The following PIGK variants were observed in gnomAD, a reference collection of about 807,000 sequenced individuals.
PIGK encodes the protein phosphatidylinositol glycan anchor biosynthesis class K, also known as GPI-anchor transamidase.
A neutral mutation model predicts 50.6 loss-of-function variants in PIGK; 42 were observed. The observed-to-expected ratio is 0.83, with a 90% CI of 0.65 to 1.07. The LOEUF (loss-of-function observed/expected upper bound fraction) is 1.07, where lower values mean the gene tolerates loss of function less well. Among genes scored for constraint, PIGK ranks in the 50% least tolerant of loss-of-function variants. The pLI is 0.00. For synonymous variants in PIGK, 151 were observed against 156.0 expected, an observed-to-expected ratio of 0.97 and a Z score of 0.24; for missense variants, 448 against 488.7, an observed-to-expected ratio of 0.92 and a Z score of 0.78.
intron 9 of PIGK, among the ~76,000 whole-genome samples, chr1:77,149,339 T>G (rs1654842538): frequency 6.6e-6 from 1 of 152,062 alleles, no homozygotes; most frequent in Non-Finnish European, 1.5e-5. Context: ...AAGACCCACC[T>G]ATATGTTGCC....
chr1:77,191,459 T>C (rs993065285), intron 3 of PIGK, among the ~76,000 whole-genome samples: 11 of 152,214 alleles, frequency 7.2e-5, no homozygotes, highest in Non-Finnish European at 1.2e-4. Flanking sequence ...CACCAAAAGA[T>C]TTTAACAGTC....
chr1:77,126,727 A>T (rs1207930590), intron 9 of PIGK, among the ~76,000 whole-genome samples: 1 of 152,172 alleles, frequency 6.6e-6, no homozygotes, highest in African/African-American at 2.4e-5. Flanking sequence ...GACAAACCAT[A>T]TATAATTCAG....
intron 10 of PIGK, among the ~76,000 whole-genome samples, chr1:77,119,796 G>T (rs1290093781): frequency 1.3e-5 from 2 of 152,204 alleles, no homozygotes; most frequent in South Asian, 2.1e-4. Flanking sequence ...TGCTACTAGT[G>T]AGAGTCCTTG....
At chr1:77,140,444 C>T (rs527602070) in intron 9 of PIGK, among the ~76,000 whole-genome samples, 6 of 152,114 alleles carry the variant, frequency 3.9e-5, no homozygotes, top group South Asian at 2.1e-4. Flanking sequence ...AGCTTCCTGA[C>T]GCCTCCCCAA....
chr1:77,184,504 T>C (rs1350393770), intron 3 of PIGK, among the ~76,000 whole-genome samples: 1 of 152,170 alleles, frequency 6.6e-6, no homozygotes, highest in African/African-American at 2.4e-5. Context: ...AGAGTAACTG[T>C]GCACTGCGGA....
rs536801827 is a variant in PIGK, at chr1:77,176,780, A to C, written c.240-7385T>G. ...AAAAACAACTGGCATTCAAGATGACATAAGTCCAATGTCAAGCATGGACTC... is the reference window on the plus strand; with the variant it reads ...AAAAACAACTGGCATTCAAGATGACCTAAGTCCAATGTCAAGCATGGACTC... On this transcript the variant is annotated intron_variant, in intron 3 of 10. Coordinates refer to ENST00000370812, the MANE Select transcript of PIGK (RefSeq NM_005482.3). Among the ~76,000 whole-genome samples, 4 of 152,224 alleles carry C rather than the reference A, an allele frequency of 2.6e-5. No individual in the cohort carries two copies. In the East Asian group the frequency reaches 7.7e-4, roughly 29 times the overall value.
chr1:77,204,444 G>C (rs1470869453), intron 3 of PIGK, among the ~76,000 whole-genome samples: 1 of 152,128 alleles, frequency 6.6e-6, no homozygotes, highest in Admixed American at 6.5e-5. Flanking sequence ...CCCTGGTCCT[G>C]TGATCTCACT....
rs146165661 is a variant in PIGK, at chr1:77,180,578, C to T, written c.240-11183G>A. On this transcript the variant is annotated intron_variant, in intron 3 of 10. Coordinates refer to ENST00000370812, the MANE Select transcript of PIGK (RefSeq NM_005482.3). The stretch of plus-strand genomic sequence containing the variant: ...CAGGACACAGCCTCAGGAGGTCCTA[C>T]CAACATGTACCTAAGGTGGTTAGAG... 5.9e-5 allele frequency among the ~76,000 whole-genome samples: 9 copies of T among 152,160 alleles called. No homozygotes were observed. The East Asian group carries it at 1.7e-3, about 29-fold the overall frequency.
At position 77,130,297 on chromosome 1, in the gene PIGK, C is replaced by CAAAAAAAAA. The variant is rs749423746; in HGVS notation, c.987-7947_987-7939dup. Reference sequence around the variant, plus strand: ...TGTGACACCTTTCCCTACTCCTAAGCAAAAAAAAAAAAAAAAAAAAAAAAA... The same window carrying CAAAAAAAAA: ...TGTGACACCTTTCCCTACTCCTAAGCAAAAAAAAAAAAAAAAAAAAAAAAAAAAAAAAAA... On this transcript the variant is annotated intron_variant, in intron 9 of 10. Transcript: ENST00000370812. Among the ~76,000 whole-genome samples the CAAAAAAAAA allele has an allele frequency of 1.1e-3, 45 of 41,498 alleles. 4 individuals carry two copies. The highest frequency in any genetic ancestry group is 1.7e-3 in the African/African-American group (22 of 12,942). The allele number at this position is 41,498 out of a possible 152,430, so 27.2% of individuals were successfully genotyped here. A position where few individuals can be genotyped will look rare whatever the true frequency, so the allele number is the denominator to read the frequency against.
intron 3 of PIGK, among the ~76,000 whole-genome samples, chr1:77,175,488 C>G (rs775897404): frequency 6.6e-6 from 1 of 151,996 alleles, no homozygotes; most frequent in African/African-American, 2.4e-5. Flanking sequence ...CTAAGAGTTA[C>G]TATTATAACA....
intron 9 of PIGK, among the ~76,000 whole-genome samples, chr1:77,128,269 C>A (rs1202537641): frequency 2.0e-5 from 3 of 151,866 alleles, no homozygotes; most frequent in Non-Finnish European, 2.9e-5. Flanking sequence ...AGATGGTAAG[C>A]CAGGGAAAAA....
intron 9 of PIGK, among the ~76,000 whole-genome samples, chr1:77,128,284 A>G (rs1172338171): frequency 1.3e-5 from 2 of 152,334 alleles, no homozygotes; most frequent in Non-Finnish European, 2.9e-5. Context: ...GAAAAAAGAC[A>G]TAATATGAGG....
chr1:77,130,487 C>A (rs1456655130), intron 9 of PIGK, among the ~76,000 whole-genome samples: 1 of 151,980 alleles, frequency 6.6e-6, no homozygotes, highest in Non-Finnish European at 1.5e-5. Flanking sequence ...ATCCTTTCCT[C>A]CAAGTAAAAC....
At chr1:77,177,517 C>T (rs1198610460) in intron 3 of PIGK, among the ~76,000 whole-genome samples, 1 of 152,232 alleles carries the variant, frequency 6.6e-6, no homozygotes, top group Non-Finnish European at 1.5e-5. Context: ...CCCTTTGTTT[C>T]CTGTAAGGAA....
At chr1:77,179,844 G>A (rs1655572085) in intron 3 of PIGK, among the ~76,000 whole-genome samples, 1 of 152,042 alleles carries the variant, frequency 6.6e-6, no homozygotes, top group African/African-American at 2.4e-5. Flanking sequence ...TTACTGTTCA[G>A]AACAATCAGA....
intron 9 of PIGK, among the ~76,000 whole-genome samples, chr1:77,150,435 C>T (rs148463811): frequency 2.5e-4 from 38 of 149,670 alleles, no homozygotes; most frequent in Admixed American, 4.7e-4. Flanking sequence ...GCAAAAGGAT[C>T]GCTTGAGCCC....
At chr1:77,117,363 G>A (rs1445743529) in intron 10 of PIGK, among the ~76,000 whole-genome samples, 1 of 152,188 alleles carries the variant, frequency 6.6e-6, no homozygotes, top group Non-Finnish European at 1.5e-5. Flanking sequence ...ATTTGGAAAT[G>A]AACAGAACCT....
At chr1:77,194,423 G>A (rs1434046699) in intron 3 of PIGK, among the ~76,000 whole-genome samples, 1 of 152,088 alleles carries the variant, frequency 6.6e-6, no homozygotes, top group Non-Finnish European at 1.5e-5. Flanking sequence ...AAAGAAAAAT[G>A]TAGTACATAA....
chr1:77,148,732 T>TTC (rs1654825983), intron 9 of PIGK, among the ~76,000 whole-genome samples: 1 of 151,964 alleles, frequency 6.6e-6, no homozygotes, highest in African/African-American at 2.4e-5. Flanking sequence ...TTTTTTTTTT[T>TTC]TGAGACAGAG....
Sources: gnomAD v4.1 joint callset for allele counts (sites outside exome capture counted in the v4.1 genomes callset) on GRCh38, gnomAD v4.1.1 for gene constraint, MANE v1.5 for transcripts, NCBI Gene and HGNC (gene_info 2026-07-23, HGNC 2026-07-21) for gene names.